Variants in DNAH1 observed in about 807,000 individuals in gnomAD.
The protein encoded by DNAH1 is axonemal beta dynein heavy chain 1.
DNAH1 carries 327 observed loss-of-function variants against 484.3 expected under a neutral mutation model. The observed-to-expected ratio is 0.68, with a 90% confidence interval of 0.62 to 0.74. The LOEUF (loss-of-function observed/expected upper bound fraction) is 0.74. Ranked by LOEUF, DNAH1 falls within the 30% of genes least tolerant of loss-of-function variation. The pLI is 0.00. For missense variants in DNAH1, 5,052 were observed against 5,546.8 expected, an observed-to-expected ratio of 0.91 and a Z score of 2.83; for synonymous variants, 2,192 against 2,191.9, an observed-to-expected ratio of 1.00 and a Z score of 0.00.
chr3:52,389,950 A>G (rs1180254408), intron 60 of DNAH1, among the ~76,000 whole-genome samples: 1 of 152,166 alleles, frequency 6.6e-6, no homozygotes, highest in East Asian at 1.9e-4. Context: ...CCTCTCTACT[A>G]AAACTACAAA....
intron 47 of DNAH1, 146 bp downstream of exon 47, chr3:52,378,926 C>A: frequency 9.6e-7 from 1 of 1,040,406 alleles, no homozygotes; most frequent in Non-Finnish European, 1.4e-6. Context: ...AGAGCCCAGC[C>A]TTGGTGCAGC....
At position 52,397,033 on chromosome 3, in the gene DNAH1, T is replaced by C; in HGVS notation, c.11776T>C (p.Tyr3926His). The change falls in exon 73 of 78, where the codon TAC (tyrosine) becomes CAC (histidine). Residue 3926 changes from tyrosine to histidine, a missense_variant. Physicochemically the swap from Tyr to His is moderately conservative, Grantham distance 83. Around this residue, in one of 4 missense-constraint regions of DNAH1, gnomAD observed 853 missense variants for 899.0 expected, o/e 0.95. Transcript: ENST00000420323. ...CATCTACCACCAGATCCCGCCTACC[T>C]ACGACCTCCACGTGAGTCCAGCCCA... is the stretch of plus-strand genomic sequence containing the variant. Reference protein sequence around the residue: ...SGIYHQIPPTYDLHGYLSYIK... With the variant: ...SGIYHQIPPTHDLHGYLSYIK... The C allele has an allele frequency of 6.2e-7, 1 of 1,605,830 alleles. No homozygotes were observed. The highest frequency in any genetic ancestry group is 8.5e-7 in the Non-Finnish European group (1 of 1,176,384).
chr3:52,361,207 G>T lies in DNAH1; in HGVS notation c.4729G>T (p.Gly1577Cys). The T allele has an allele frequency of 6.2e-7, 1 of 1,612,246 alleles. No individual in the cohort carries two copies. Among genetic ancestry groups the T allele is most frequent in the South Asian group, 1.1e-5 (1 of 90,760 alleles). ...CGGAGCTCTGCACCTCAAGTTTGGGGGTGCCCCAGCTGGCCCAGCTGGCAC... is the reference window on the plus strand; with the variant it reads ...CGGAGCTCTGCACCTCAAGTTTGGGTGTGCCCCAGCTGGCCCAGCTGGCAC... ...LTGALHLKFG[G>C]APAGPAGTGK... Residue 1577 changes from glycine to cysteine, a missense_variant, in exon 29 of 78, where the codon GGT becomes TGT. Coordinates refer to ENST00000420323, the MANE Select transcript of DNAH1 (RefSeq NM_015512.5). The surrounding 1 kb of genome is among the most constrained non-coding windows in gnomAD (Gnocchi z 5.6).
At chr3:52,342,831 A>T (rs539975983) in intron 8 of DNAH1, among the ~76,000 whole-genome samples, 2 of 152,352 alleles carry the variant, frequency 1.3e-5, no homozygotes, top group African/African-American at 4.8e-5. Context: ...TAAGGCATCC[A>T]GTGTCAGTGT....
At chr3:52,346,342 A>C (rs1702139586) in intron 10 of DNAH1, 130 bp from the exon 11 acceptor site, 1 of 966,980 alleles carries the variant, frequency 1.0e-6, no homozygotes, top group African/African-American at 1.6e-5. Flanking sequence ...AAGTTGGGGT[A>C]GGGGACATCC....
intron 41 of DNAH1, among the ~76,000 whole-genome samples, chr3:52,371,239 A>G (rs1434681631): frequency 6.6e-6 from 1 of 152,226 alleles, no homozygotes; most frequent in African/African-American, 2.4e-5. Flanking sequence ...ACTATCAGCT[A>G]GCAAGGGCTC....
At chr3:52,377,723 T>C (rs1221730401) in intron 46 of DNAH1, among the ~76,000 whole-genome samples, 14 of 147,788 alleles carry the variant, frequency 9.5e-5, no homozygotes, top group East Asian at 2.0e-4. Context: ...TCTCCAGTTA[T>C]GTGAAAGCTT....
rs1294347227 is a variant in DNAH1, at chr3:52,353,727, A to G, written c.3480+94A>G. 3.3e-6 allele frequency: 5 copies of G among 1,514,338 alleles called. No individual in the cohort carries two copies. Among genetic ancestry groups the G allele is most frequent in the Non-Finnish European group, 4.4e-6 (5 of 1,126,644 alleles). 93.8% of individuals were successfully genotyped at this position (1,514,338 alleles called of 1,614,324 possible). A position where few individuals can be genotyped will look rare whatever the true frequency, so the allele number is the denominator to read the frequency against. ...GCAACCACAGCCACTTGGGAGGATG[A>G]CAGTAATAAGCCCCATCCCTGGGGT... is the stretch of plus-strand genomic sequence containing the variant. On this transcript the variant is annotated intron_variant, in intron 20 of 77. Transcript: ENST00000420323. The surrounding 1 kb of genome is among the most constrained non-coding windows in gnomAD (Gnocchi z 5.0).
rs1348017518 is a variant in DNAH1 at position 52,355,881 on chromosome 3, C to T, written c.3694-733C>T. On this transcript the variant is annotated intron_variant, in intron 21 of 77. Coordinates refer to ENST00000420323, the MANE Select transcript of DNAH1 (RefSeq NM_015512.5). This position sits in a 1 kb window ranked among gnomAD's most constrained non-coding sequence, Gnocchi z 4.5. ...CCGAGGCCATTGTCGGTGCCTCTTTCAGAGTCCACTACACATGCCGGGCCC... is the reference window on the plus strand; with the variant it reads ...CCGAGGCCATTGTCGGTGCCTCTTTTAGAGTCCACTACACATGCCGGGCCC... Among the ~76,000 whole-genome samples, 1 of 152,246 alleles carries T rather than the reference C, an allele frequency of 6.6e-6. No individual in the cohort carries two copies. The highest frequency in any genetic ancestry group is 1.5e-5 in the Non-Finnish European group (1 of 68,052).
rs1052975293 is a variant in DNAH1 at position 52,366,501 on chromosome 3, C to T, written c.5563C>T (p.Arg1855Ter). 16 of 1,603,110 alleles carry T rather than the reference C, an allele frequency of 1.0e-5. No individual in the cohort carries two copies. The highest frequency in any genetic ancestry group is 4.0e-5 in the African/African-American group (3 of 74,624). ...CCAGCTCTACGAGACCACGGTGGTA[C>T]GACACGGCCTCATGCTCGTCGGGCC... is the stretch of plus-strand genomic sequence containing the variant. ...CIQLYETTVV[R>*]HGLMLVGPTG... is the part of the protein sequence containing the mutation. Residue 1855 changes from arginine (R) to a stop codon, truncating the protein, a stop_gained, in exon 35 of 78, where the codon CGA becomes TGA. Coordinates refer to ENST00000420323, the MANE Select transcript of DNAH1 (RefSeq NM_015512.5). LOFTEE classifies it high-confidence loss of function.
intron 44 of DNAH1, chr3:52,374,508 C>T (rs1703498168): frequency 1.4e-6 from 2 of 1,469,642 alleles, no homozygotes; most frequent in Non-Finnish European, 1.9e-6. Context: ...TGTCATTGAA[C>T]CATCAGAATT....
chr3:52,369,246 C>A (rs1197385577), intron 37 of DNAH1, among the ~76,000 whole-genome samples: 1 of 152,194 alleles, frequency 6.6e-6, no homozygotes, highest in Non-Finnish European at 1.5e-5. Context: ...CCTCCCAGGC[C>A]CAATTTCAGC....
intron 10 of DNAH1, 24 bp downstream of exon 10, chr3:52,345,730 G>A: frequency 1.2e-6 from 2 of 1,601,560 alleles, no homozygotes; most frequent in Non-Finnish European, 1.7e-6. Context: ...AAGGGCACAG[G>A]GGGCAAACGC....
intron 22 of DNAH1, among the ~76,000 whole-genome samples, chr3:52,357,297 A>G (rs1341877423): frequency 1.3e-5 from 2 of 151,886 alleles, no homozygotes; most frequent in African/African-American, 2.4e-5. Context: ...CAGGTGATCT[A>G]CCTGCCTCAG....
chr3:52,346,488 A>G lies in DNAH1; in HGVS notation c.1673A>G (p.Lys558Arg), dbSNP rs1702146578. 1 of 1,611,276 alleles carries G rather than the reference A, an allele frequency of 6.2e-7. No individual in the cohort carries two copies. Among genetic ancestry groups the G allele is most frequent in the Non-Finnish European group, 8.5e-7 (1 of 1,178,474 alleles). ...QTFSQVQMFL[K>R]DSWISSLKVA... is the part of the protein sequence containing the mutation. ...CCACTCTAGGTGCAGATGTTCCTCA[A>G]GGACAGCTGGATCAGCTCGCTAAAG... The change falls in exon 11 of 78, where the codon AAG becomes AGG. Residue 558 changes from lysine to arginine, a missense_variant. This residue lies in a region of DNAH1 where 1,263 missense variants were observed against 1,218.8 expected (regional missense o/e 1.04). Coordinates refer to ENST00000420323, the MANE Select transcript of DNAH1 (RefSeq NM_015512.5).
rs1380718829 is a variant in DNAH1, at chr3:52,386,362, C to T, written c.8811+17C>T. The T allele has an allele frequency of 5.2e-6, 8 of 1,546,786 alleles. No homozygotes were observed. The highest frequency in any genetic ancestry group is 3.6e-5 in the South Asian group (3 of 82,916). ...GTGACCGAGGTGGGCAGCAGGGCATCTCCTGGCATTCCCTCTCATATGCCT... is the reference window on the plus strand; with the variant it reads ...GTGACCGAGGTGGGCAGCAGGGCATTTCCTGGCATTCCCTCTCATATGCCT... On this transcript the variant is annotated intron_variant, in intron 55 of 77. Transcript: ENST00000420323.
intron 6 of DNAH1, among the ~76,000 whole-genome samples, chr3:52,329,426 T>G (rs1701462034): frequency 6.6e-6 from 1 of 152,156 alleles, no homozygotes; most frequent in South Asian, 2.1e-4. Flanking sequence ...CTATAGACCT[T>G]GTTTACCATC....
chr3:52,359,031 A>T (rs1424984092), intron 25 of DNAH1, among the ~76,000 whole-genome samples: 1 of 152,132 alleles, frequency 6.6e-6, no homozygotes, highest in African/African-American at 2.4e-5. Context: ...GCTGGGCTCT[A>T]GGTGACTCCC....
At chr3:52,386,393 C>T in intron 55 of DNAH1, 48 bp downstream of exon 55, 2 of 1,506,654 alleles carry the variant, frequency 1.3e-6, no homozygotes, top group Non-Finnish European at 1.8e-6. Context: ...TGCCTCTGTC[C>T]TCAAGCCTTC....
Sources: allele counts gnomAD v4.1 joint callset (sites outside exome capture counted in the v4.1 genomes callset), GRCh38; gene constraint gnomAD v4.1.1; regional missense constraint gnomAD v4.1.1; non-coding constraint Gnocchi (gnomAD v3.1); transcripts MANE v1.5; gene names NCBI Gene and HGNC (gene_info 2026-07-23, HGNC 2026-07-21).